Variants in ACP4 observed in about 807,000 individuals in gnomAD.
The protein encoded by ACP4 is testicular acid phosphatase.
A neutral mutation model predicts 47.3 loss-of-function variants in ACP4; 49 were observed. The observed-to-expected ratio is 1.04, with a 90% CI of 0.82 to 1.32. The LOEUF (loss-of-function observed/expected upper bound fraction) is 1.32, where lower values mean the gene tolerates loss of function less well. Among genes scored for constraint, ACP4 ranks in the 40% most tolerant of loss-of-function variants. The pLI is 0.00. For synonymous variants in ACP4, 299 were observed against 265.3 expected (o/e 1.13, Z -1.23); for missense variants, 594 against 579.3 (o/e 1.03, Z -0.26).
Position 50,791,719 on chromosome 19 carries a change from C to T in ACP4, c.367C>T (p.Leu123=), listed in dbSNP as rs1224551026. ...GAGTGCCCAGGCCAACCTTGCCGGG[C>T]TGTTTCCCGAGGCTGCTCCAGGGAG... The part of the protein sequence containing the change: ...LESAQANLAG[L]FPEAAPGSPE... The change falls in exon 4 of 11, where the codon CTG becomes TTG. Residue 123 remains leucine (L), a synonymous_variant. Transcript: ENST00000270593. 6.2e-7 allele frequency: 1 copy of T among 1,613,202 alleles called. No individual in the cohort carries two copies. The highest frequency in any genetic ancestry group is 1.3e-5 in the African/African-American group (1 of 74,936).
chr19:50,792,492 C>T, intron 6 of ACP4, 155 bp downstream of exon 6: 1 of 688,048 alleles, frequency 1.5e-6, no homozygotes. Context: ...GGTATCAACA[C>T]CTCCCCAGGA....
At position 50,790,821 on chromosome 19, in the gene ACP4, C is replaced by G. The variant is rs1029773434; in HGVS notation, c.264C>G (p.Arg88=). 185 of 1,548,802 alleles carry G rather than the reference C, an allele frequency of 1.2e-4. No homozygotes were observed. Among genetic ancestry groups the G allele is most frequent in the Non-Finnish European group, 1.4e-4 (166 of 1,146,806 alleles). ...QLELGRFLRS[R]YEAFLSPEYR... ...AGCTGGGCCGCTTCCTGAGGAGCCGCTACGAGGCCTTCCTGAGTCCGGAGT... is the reference window on the plus strand; with the variant it reads ...AGCTGGGCCGCTTCCTGAGGAGCCGGTACGAGGCCTTCCTGAGTCCGGAGT... The change falls in exon 3 of 11, where the codon CGC becomes CGG. Residue 88 remains arginine, a synonymous_variant. Coordinates refer to ENST00000270593, the MANE Select transcript of ACP4 (RefSeq NM_033068.3).
chr19:50,791,193 C>T (rs909276449), intron 3 of ACP4, among the ~76,000 whole-genome samples: 9 of 152,182 alleles, frequency 5.9e-5, no homozygotes, highest in Admixed American at 1.3e-4. Context: ...CCCTTGTTGA[C>T]GTAACTTGCC....
At chr19:50,791,887 C>G (rs541445842) in intron 4 of ACP4, 85 bp downstream of exon 4, 2 of 1,498,152 alleles carry the variant, frequency 1.3e-6, no homozygotes, top group East Asian at 2.5e-5. Flanking sequence ...GAGCTGGCTC[C>G]GAGAAGCAAG....
chr19:50,794,740 A>G lies in ACP4; in HGVS notation c.987-46A>G, dbSNP rs116494850. On this transcript the variant is annotated intron_variant, in intron 9 of 10. Coordinates refer to ENST00000270593, the MANE Select transcript of ACP4 (RefSeq NM_033068.3). ...GAAGCCCTTTTCTCCAGGCTTTAAG[A>G]TCAATGACAGGAGGGAGGAGGTGCC... The G allele has an allele frequency of 5.6e-4, 878 of 1,573,726 alleles. 5 individuals are homozygous for G. In the African/African-American group the frequency reaches 0.011, roughly 19 times the overall value.
At position 50,792,231 on chromosome 19, in the gene ACP4, C is replaced by T. The variant is rs559203093; in HGVS notation, c.550-11C>T. The T allele has an allele frequency of 1.6e-5, 26 of 1,612,776 alleles. No homozygotes were observed. In the East Asian group the frequency reaches 2.9e-4, roughly 18 times the overall value. ...GGATGGGCCTGGGCTCACCCAGCCC[C>T]GCGCATCCAGGGCTTCCTGAGTCGC... On this transcript the variant is annotated splice_polypyrimidine_tract_variant and intron_variant, in intron 5 of 10. Transcript: ENST00000270593.
chr19:50,794,873 A>C lies in ACP4; in HGVS notation c.1074A>C (p.Pro358=). ...LSLPGCPAPC[P]LGRFYQLTAP... ...TCCCCGGGTGCCCGGCCCCCTGTCC[A>C]CTAGGCCGCTTCTACCAGCTGACTG... Residue 358 remains proline (P), a synonymous_variant, in exon 10 of 11, where the codon CCA becomes CCC. Coordinates refer to ENST00000270593, the MANE Select transcript of ACP4 (RefSeq NM_033068.3). 1 of 1,613,654 alleles carries C rather than the reference A, an allele frequency of 6.2e-7. No individual in the cohort carries two copies.
In ACP4 at chr19:50,794,593, T is replaced by C. The variant is rs1360555506; in HGVS notation, c.986+12T>C. On this transcript the variant is annotated intron_variant, in intron 9 of 10. Coordinates refer to ENST00000270593, the MANE Select transcript of ACP4 (RefSeq NM_033068.3). The stretch of plus-strand genomic sequence containing the variant: ...GCCAAAGATGGAGGGTGAGAATGGT[T>C]TGGTGCCCAGGGACATGGGTGGGAC... 1.2e-6 allele frequency: 2 copies of C among 1,613,976 alleles called. No individual in the cohort carries two copies. Among genetic ancestry groups the C allele is most frequent in the Non-Finnish European group, 1.7e-6 (2 of 1,179,982 alleles).
rs747938057 is a variant in ACP4, at chr19:50,790,768, C to T, written c.217-6C>T. On this transcript the variant is annotated splice_polypyrimidine_tract_variant and splice_region_variant and intron_variant, in intron 2 of 10. Coordinates refer to ENST00000270593, the MANE Select transcript of ACP4 (RefSeq NM_033068.3). Reference sequence around the variant, plus strand: ...GAGTGGTAGGCTGAGGCTGTTCTGTCCCCAGGAGGGGGTCCGCCAGCAGCT... The same window carrying T: ...GAGTGGTAGGCTGAGGCTGTTCTGTTCCCAGGAGGGGGTCCGCCAGCAGCT... 1.0e-4 allele frequency: 161 copies of T among 1,546,968 alleles called. No homozygotes were observed. Among genetic ancestry groups the T allele is most frequent in the Non-Finnish European group, 1.3e-4 (153 of 1,146,432 alleles).
chr19:50,790,540 C>A lies in ACP4; in HGVS notation c.111+15C>A. 1 of 1,540,502 alleles carries A rather than the reference C, an allele frequency of 6.5e-7. No individual in the cohort carries two copies. Among genetic ancestry groups the A allele is most frequent in the Non-Finnish European group, 8.8e-7 (1 of 1,141,558 alleles). ...TCGTGGCTCTGGTGAGGCGCCCCCA[C>A]CCCGGCCTGCCCTTAGCTCCCCCAG... On this transcript the variant is annotated intron_variant, in intron 1 of 10. Coordinates refer to ENST00000270593, the MANE Select transcript of ACP4 (RefSeq NM_033068.3).
chr19:50,794,444 G>T lies in ACP4; in HGVS notation c.862-13G>T. The T allele has an allele frequency of 6.2e-7, 1 of 1,613,070 alleles. No individual in the cohort carries two copies. Among genetic ancestry groups the T allele is most frequent in the Non-Finnish European group, 8.5e-7 (1 of 1,179,856 alleles). ...GAGAGAAGTGCCGTCTCAGCCCTCG[G>T]GTCCACCTGCAGCATGACAGCACCC... On this transcript the variant is annotated splice_polypyrimidine_tract_variant and intron_variant, in intron 8 of 10. Transcript: ENST00000270593.
rs1447616996 is a variant in ACP4, at chr19:50,794,907, C to CGGCCTCCCGCCCATGG, written c.1111_1126dup (p.Val376AlafsTer13). The CGGCCTCCCGCCCATGG allele has an allele frequency of 6.2e-7, 1 of 1,613,444 alleles. No individual in the cohort carries two copies. The highest frequency in any genetic ancestry group is 8.5e-7 in the Non-Finnish European group (1 of 1,179,928). ...CTTCTACCAGCTGACTGCCCCGGCC[C>CGGCCTCCCGCCCATGG]GGCCTCCCGCCCATGGGGTCTCCTG... On this transcript the variant is annotated frameshift_variant, in exon 10 of 11. Transcript: ENST00000270593. LOFTEE classifies it high-confidence loss of function.
At position 50,790,666 on chromosome 19, in the gene ACP4, C is replaced by A; in HGVS notation, c.184C>A (p.Leu62Met). Residue 62 changes from leucine to methionine, a missense_variant, in exon 2 of 11, where the codon CTG becomes ATG. By Grantham distance (15) the Leu-to-Met change is conservative. Coordinates refer to ENST00000270593, the MANE Select transcript of ACP4 (RefSeq NM_033068.3). The part of the protein sequence containing the change: ...MDPHKEVAST[L>M]WPRGLGQLTT... The stretch of plus-strand genomic sequence containing the variant: ...CCCACACAAGGAGGTGGCCTCCACC[C>A]TGTGGCCACGAGGCCTGGGCCAGCT... 1 of 1,418,558 alleles carries A rather than the reference C, an allele frequency of 7.0e-7. No individual in the cohort carries two copies. Among genetic ancestry groups the A allele is most frequent in the East Asian group, 3.6e-5 (1 of 27,862 alleles). The allele number at this position is 1,418,558 out of a possible 1,614,324, so 87.9% of individuals were successfully genotyped here. A position where few individuals can be genotyped will look rare whatever the true frequency, so the allele number is the denominator to read the frequency against.
rs978141780 is a variant in ACP4, at chr19:50,795,113, G to T, written c.1236G>T (p.Leu412=). The T allele has an allele frequency of 3.8e-6, 6 of 1,571,736 alleles. No homozygotes were observed. The highest frequency in any genetic ancestry group is 5.2e-6 in the Non-Finnish European group (6 of 1,160,478). Residue 412 remains leucine, a synonymous_variant, in exon 11 of 11, where the codon CTG becomes CTT. Coordinates refer to ENST00000270593, the MANE Select transcript of ACP4 (RefSeq NM_033068.3). ...LVALSLGLGL[L]AWRPGCLRAL... Reference sequence around the variant, plus strand: ...CACTCAGCTTGGGGCTGGGCCTGCTGGCCTGGAGACCAGGGTGCCTGCGGG... The same window carrying T: ...CACTCAGCTTGGGGCTGGGCCTGCTTGCCTGGAGACCAGGGTGCCTGCGGG...
intron 3 of ACP4, 53 bp downstream of exon 3, chr19:50,790,913 CACT>C: frequency 6.7e-7 from 1 of 1,489,296 alleles, no homozygotes; most frequent in Non-Finnish European, 9.1e-7. Flanking sequence ...CTGTGACCTC[CACT>C]GACTACAACG....
rs1389435787 is a variant in ACP4, at chr19:50,794,894, G to C, written c.1095G>C (p.Leu365=). ...APCPLGRFYQ[L]TAPARPPAHG... is the part of the protein sequence containing the mutation. The stretch of plus-strand genomic sequence containing the variant: ...GTCCACTAGGCCGCTTCTACCAGCT[G>C]ACTGCCCCGGCCCGGCCTCCCGCCC... Residue 365 remains leucine (L), a synonymous_variant, in exon 10 of 11, where the codon CTG becomes CTC. Transcript: ENST00000270593. 6.2e-7 allele frequency: 1 copy of C among 1,613,678 alleles called. No individual in the cohort carries two copies. Among genetic ancestry groups the C allele is most frequent in the Admixed American group, 1.7e-5 (1 of 59,980 alleles).
At chr19:50,794,032 T>G in intron 8 of ACP4, 62 bp downstream of exon 8, 2 of 1,588,400 alleles carry the variant, frequency 1.3e-6, no homozygotes, top group South Asian at 2.2e-5. Context: ...TGACAGCGAT[T>G]TAGGTGAGGA....
At position 50,793,962 on chromosome 19, in the gene ACP4, T is replaced by TACTC. The variant is rs2089532806; in HGVS notation, c.855_858dup (p.Ala287LeufsTer4). On this transcript the variant is annotated frameshift_variant, in exon 8 of 11. Coordinates refer to ENST00000270593, the MANE Select transcript of ACP4 (RefSeq NM_033068.3). LOFTEE classifies it high-confidence loss of function. ...GGGGCTGCCCCTCAAGATGGTCATG[T>TACTC]ACTCAGCTGTGAGTCCTTGGGAAGC... The TACTC allele has an allele frequency of 6.2e-7, 1 of 1,613,942 alleles. No homozygotes were observed. The highest frequency in any genetic ancestry group is 1.7e-5 in the Admixed American group (1 of 60,012).
intron 6 of ACP4, 55 bp from the exon 7 acceptor site, chr19:50,793,629 G>T (rs2089528642): frequency 6.3e-7 from 1 of 1,596,008 alleles, no homozygotes; most frequent in Non-Finnish European, 8.6e-7. Context: ...AGGCCTGCGG[G>T]GCCAGAGGCA....
Sources: allele counts gnomAD v4.1 joint callset (sites outside exome capture counted in the v4.1 genomes callset), GRCh38; gene constraint gnomAD v4.1.1; transcripts MANE v1.5; gene names NCBI Gene and HGNC (gene_info 2026-07-23, HGNC 2026-07-21).